The following DOT1L variants were observed in gnomAD, a reference collection of about 807,000 sequenced individuals.
The protein encoded by DOT1L is DOT1 like histone lysine methyltransferase.
A neutral mutation model predicts 153.3 loss-of-function variants in DOT1L; 33 were observed. The observed-to-expected ratio is 0.22, with a 90% CI of 0.16 to 0.29. The LOEUF is 0.29. Among genes scored for constraint, DOT1L ranks in the 10% least tolerant of loss-of-function variants. DOT1L has a pLI of 1.00. For missense variants in DOT1L, 1,847 were observed against 2,119.9 expected (o/e 0.87, Z 2.53); for synonymous variants, 1,135 against 965.1 (o/e 1.18, Z -3.26).
At chr19:2,164,328 A>C (rs2144621216) in intron 1 of DOT1L, 63 bp downstream of exon 1, 2 of 1,146,734 alleles carry the variant, frequency 1.7e-6, no homozygotes, top group Admixed American at 4.3e-5. Flanking sequence ...CCCTGGGGAC[A>C]CCCCAAACCC....
At chr19:2,179,556 C>T (rs1313428362) in intron 1 of DOT1L, among the ~76,000 whole-genome samples, 2 of 152,130 alleles carry the variant, frequency 1.3e-5, no homozygotes, top group African/African-American at 4.8e-5. Flanking sequence ...GCCTGTAATC[C>T]CAATACTTTG....
intron 3 of DOT1L, among the ~76,000 whole-genome samples, chr19:2,188,989 G>C (rs150997409): frequency 7.9e-4 from 121 of 152,328 alleles, no homozygotes; most frequent in African/African-American, 2.9e-3. Context: ...CCCCGATGCT[G>C]TTGGGTTGTG....
chr19:2,164,182 G>T lies in DOT1L; in HGVS notation c.-3G>T. 8.1e-7 allele frequency: 1 copy of T among 1,232,680 alleles called. No individual in the cohort carries two copies. The highest frequency in any genetic ancestry group is 1.0e-6 in the Non-Finnish European group (1 of 986,138). 76.4% of individuals were successfully genotyped at this position (1,232,680 alleles called of 1,614,324 possible). The stretch of plus-strand genomic sequence containing the variant: ...GCATGGTGCGGCGGCCGCGCGCGCG[G>T]ACATGGGGGAGAAGCTGGAGCTGAG... On this transcript the variant is annotated 5_prime_UTR_variant, in exon 1 of 28. Coordinates refer to ENST00000398665, the MANE Select transcript of DOT1L (RefSeq NM_032482.3).
At chr19:2,177,456 C>T (rs551803745) in intron 1 of DOT1L, among the ~76,000 whole-genome samples, 1 of 152,208 alleles carries the variant, frequency 6.6e-6, no homozygotes, top group South Asian at 2.1e-4. Flanking sequence ...GCCACCACAC[C>T]CAGCTAATTT....
In DOT1L at chr19:2,222,683, A is replaced by G; in HGVS notation, c.3390+124A>G. ...TGGGAGGCCGAGGCGGGTGGATCAC[A>G]AGATCAGGACATCAAGACCATCCTG... is the stretch of plus-strand genomic sequence containing the variant. On this transcript the variant is annotated intron_variant, in intron 24 of 27. Transcript: ENST00000398665. The surrounding 1 kb of genome is among the most constrained non-coding windows in gnomAD (Gnocchi z 6.5). The G allele has an allele frequency of 2.1e-6, 2 of 932,464 alleles. No homozygotes were observed. Among genetic ancestry groups the G allele is most frequent in the East Asian group, 5.3e-5 (2 of 37,402 alleles). 57.8% of individuals were successfully genotyped at this position (932,464 alleles called of 1,614,324 possible).
intron 12 of DOT1L, 101 bp downstream of exon 12, chr19:2,209,077 C>A: frequency 1.5e-6 from 2 of 1,363,368 alleles, no homozygotes; most frequent in East Asian, 2.4e-5. Context: ...ACGACTGGAG[C>A]ACAGCCCTGC....
At chr19:2,227,166 C>G (rs753747869) in intron 27 of DOT1L, 39 bp downstream of exon 27, 54 of 1,576,012 alleles carry the variant, frequency 3.4e-5, no homozygotes, top group Non-Finnish European at 4.3e-5. Flanking sequence ...CCGCCCCGGC[C>G]CCCGCCGGAG....
At chr19:2,211,564 C>A (rs118065782) in intron 15 of DOT1L, among the ~76,000 whole-genome samples, 187 bp from the exon 16 acceptor site, 1,568 of 152,336 alleles carry the variant, frequency 0.01, 11 homozygotes, top group Non-Finnish European at 0.013. Flanking sequence ...GCGCAGGGGT[C>A]AGAGGGCCTG....
At chr19:2,227,435 G>A (rs2024399007) in intron 27 of DOT1L, 1 of 615,244 alleles carries the variant, frequency 1.6e-6, no homozygotes, top group Non-Finnish European at 3.1e-6. Flanking sequence ...GTGGCCGCCC[G>A]GGCTCTGGCA....
chr19:2,188,444 G>A (rs148498562), intron 3 of DOT1L, among the ~76,000 whole-genome samples: 3,400 of 151,248 alleles, frequency 0.022, 57 homozygotes, highest in Non-Finnish European at 0.039. Flanking sequence ...TGGAGGTGGC[G>A]GAGGACGGAG....
intron 3 of DOT1L, among the ~76,000 whole-genome samples, chr19:2,188,979 C>T (rs2022672548): frequency 6.6e-6 from 1 of 152,212 alleles, no homozygotes; most frequent in Admixed American, 6.5e-5. Context: ...GTGGGCTCTG[C>T]CCCGATGCTG....
In DOT1L at chr19:2,191,379, T is replaced by G; in HGVS notation, c.493+139T>G. 1 of 857,648 alleles carries G rather than the reference T, an allele frequency of 1.2e-6. No homozygotes were observed. The highest frequency in any genetic ancestry group is 1.8e-6 in the Non-Finnish European group (1 of 546,400). 53.1% of individuals were successfully genotyped at this position (857,648 alleles called of 1,614,324 possible). A position where few individuals can be genotyped will look rare whatever the true frequency, so the allele number is the denominator to read the frequency against. On this transcript the variant is annotated intron_variant, in intron 5 of 27. Coordinates refer to ENST00000398665, the MANE Select transcript of DOT1L (RefSeq NM_032482.3). The surrounding 1 kb of genome is among the most constrained non-coding windows in gnomAD (Gnocchi z 6.8). ...CAGTGCTTCCTTCTCCCAGCGCCTC[T>G]GTCCCGCTGTGGGGCCGTTCCTTTC...
intron 3 of DOT1L, among the ~76,000 whole-genome samples, chr19:2,188,500 C>T: frequency 7.9e-6 from 1 of 126,308 alleles, no homozygotes; most frequent in East Asian, 2.2e-4. Context: ...CCCCCACCCG[C>T]ACAGGTGCAG....
Position 2,164,192 on chromosome 19 carries a change from A to C in DOT1L, c.8A>C (p.Glu3Ala). The C allele has an allele frequency of 3.5e-6, 4 of 1,146,890 alleles. No homozygotes were observed. Among genetic ancestry groups the C allele is most frequent in the African/African-American group, 1.7e-5 (1 of 59,190 alleles). The allele number at this position is 1,146,890 out of a possible 1,614,324, so 71.0% of individuals were successfully genotyped here. A position where few individuals can be genotyped will look rare whatever the true frequency, so the allele number is the denominator to read the frequency against. Reference protein sequence around the residue: MGEKLELRLKSPV... With the variant: MGAKLELRLKSPV... ...GCGGCCGCGCGCGCGGACATGGGGG[A>C]GAAGCTGGAGCTGAGACTGAAGTCG... Residue 3 changes from glutamate (E) to alanine (A), a missense_variant, in exon 1 of 28, where the codon GAG becomes GCG. Coordinates refer to ENST00000398665, the MANE Select transcript of DOT1L (RefSeq NM_032482.3).
chr19:2,223,046 G>C (rs887151092), intron 24 of DOT1L, among the ~76,000 whole-genome samples: 17 of 152,054 alleles, frequency 1.1e-4, no homozygotes, highest in Non-Finnish European at 2.2e-4. Context: ...CTCGGCTGTG[G>C]GGCCTTAGTG....
intron 22 of DOT1L, among the ~76,000 whole-genome samples, chr19:2,219,752 G>T (rs545851031): frequency 6.6e-6 from 1 of 152,318 alleles, no homozygotes; most frequent in Admixed American, 6.5e-5. Context: ...CCACCCGACT[G>T]CTGGCATTTG....
Position 2,222,476 on chromosome 19 carries a change from G to A in DOT1L, c.3307G>A (p.Val1103Met), listed in dbSNP as rs200919682. 7.2e-5 allele frequency: 116 copies of A among 1,602,182 alleles called. No individual in the cohort carries two copies. Among genetic ancestry groups the A allele is most frequent in the Non-Finnish European group, 9.4e-5 (111 of 1,176,844 alleles). The change falls in exon 24 of 28, where the codon GTG becomes ATG. Residue 1103 changes from valine to methionine, a missense_variant. Physicochemically the swap from Val to Met is conservative, Grantham distance 21. Around this residue, in one of 8 missense-constraint regions of DOT1L, gnomAD observed 934 missense variants for 825.3 expected, o/e 1.13. Coordinates refer to ENST00000398665, the MANE Select transcript of DOT1L (RefSeq NM_032482.3). This position sits in a 1 kb window ranked among gnomAD's most constrained non-coding sequence, Gnocchi z 6.5. ...SAGTPSLSAGVSPKRRALPSV... is the reference protein window; with the variant it reads ...SAGTPSLSAGMSPKRRALPSV... The stretch of plus-strand genomic sequence containing the variant: ...GGGGACGCCCAGCTTGAGCGCAGGC[G>A]TGTCCCCCAAGCGCCGAGCCCTGCC...
intron 1 of DOT1L, among the ~76,000 whole-genome samples, chr19:2,179,246 G>C (rs985418524): frequency 1.3e-5 from 2 of 152,216 alleles, no homozygotes; most frequent in African/African-American, 4.8e-5. Flanking sequence ...GCTCGTGGCG[G>C]CTGCGTGTCT....
chr19:2,217,239 G>A lies in DOT1L; in HGVS notation c.2544+149G>A. 2.5e-6 allele frequency: 3 copies of A among 1,184,986 alleles called. No individual in the cohort carries two copies. Among genetic ancestry groups the A allele is most frequent in the Non-Finnish European group, 3.4e-6 (3 of 877,192 alleles). 73.4% of individuals were successfully genotyped at this position (1,184,986 alleles called of 1,614,324 possible). ...TGGAGTAGGATGTTGTGGCAGAGTT[G>A]GGGGCAACCAGTAAGGACAGGTCAC... On this transcript the variant is annotated intron_variant, in intron 21 of 27. Coordinates refer to ENST00000398665, the MANE Select transcript of DOT1L (RefSeq NM_032482.3). The surrounding 1 kb of genome is among the most constrained non-coding windows in gnomAD (Gnocchi z 7.3).
Sources: gnomAD v4.1 joint callset for allele counts (sites outside exome capture counted in the v4.1 genomes callset) on GRCh38, gnomAD v4.1.1 for gene constraint, gnomAD v4.1.1 regional missense constraint, Gnocchi (gnomAD v3.1) non-coding constraint, MANE v1.5 for transcripts, NCBI Gene and HGNC (gene_info 2026-07-23, HGNC 2026-07-21) for gene names.